The following PHEX variants were observed in gnomAD, a reference collection of about 807,000 sequenced individuals.
The protein encoded by PHEX is phosphate-regulating neutral endopeptidase PHEX.
PHEX carries 16 observed loss-of-function variants against 68.0 expected under a neutral mutation model. The ratio of observed to expected loss-of-function variants is 0.24; its 90% CI spans 0.16 to 0.36. The LOEUF is 0.36. Ranked by LOEUF, PHEX falls within the 10% of genes least tolerant of loss-of-function variation. The pLI is 1.00. For synonymous variants in PHEX, 208 were observed against 205.1 expected (o/e 1.01, Z -0.12); for missense variants, 480 against 575.5 (o/e 0.83, Z 1.70).
chrX:22,130,295 T>C (rs1931930683), intron 11 of PHEX, among the ~76,000 whole-genome samples: 1 of 111,607 alleles, frequency 9.0e-6, no homozygotes, highest in Non-Finnish European at 1.9e-5. Flanking sequence ...ATCCCAGCAC[T>C]TTGGGAGACT....
intron 3 of PHEX, among the ~76,000 whole-genome samples, chrX:22,072,092 G>A (rs1244039509): frequency 8.9e-6 from 1 of 112,869 alleles, no homozygotes; most frequent in African/African-American, 3.2e-5. Flanking sequence ...GCTGGGCATG[G>A]TGGCGCATGC....
chrX:22,090,732 A>G (rs1323730701), intron 6 of PHEX, among the ~76,000 whole-genome samples: 1 of 112,188 alleles, frequency 8.9e-6, no homozygotes, highest in African/African-American at 3.2e-5. Flanking sequence ...CTTGGGAGAC[A>G]GCACTCCCAA....
intron 11 of PHEX, among the ~76,000 whole-genome samples, chrX:22,131,045 T>A (rs76335719): frequency 0.01 from 1,147 of 110,355 alleles, 18 homozygotes; most frequent in East Asian, 0.081. Flanking sequence ...CAGTATTATT[T>A]TTTTTTTCTT....
chrX:22,082,926 CT>C (rs1388337633), intron 5 of PHEX, among the ~76,000 whole-genome samples: 2 of 111,984 alleles, frequency 1.8e-5, no homozygotes, highest in African/African-American at 6.5e-5. Context: ...AAGAACAAAG[CT>C]GGAGGCATCA....
intron 9 of PHEX, among the ~76,000 whole-genome samples, chrX:22,109,617 A>G (rs6629451): frequency 0.25 from 27,630 of 110,363 alleles, 2,717 homozygotes; most frequent in African/African-American, 0.34. Flanking sequence ...TATTGCTCTC[A>G]TGTGATTGGC....
Position 22,114,172 on chromosome X carries a change from G to A in PHEX, c.1174-286G>A, listed in dbSNP as rs10218272. Among the ~76,000 whole-genome samples, 17,611 of 108,856 alleles carry A rather than the reference G, an allele frequency of 0.16. 3,522 individuals are homozygous for A. Among genetic ancestry groups the A allele is most frequent in the African/African-American group, 0.56 (16,401 of 29,515 alleles). The allele number at this position is 108,856 out of a possible 115,157, so 94.5% of individuals were successfully genotyped here. ...ACCATGTTGGCCAGGCTGGTCTCGA[G>A]CTCCTGACCTCAGGTGATCTGCTCA... On this transcript the variant is annotated intron_variant, in intron 10 of 21. Transcript: ENST00000379374.
chrX:22,064,524 C>T (rs999607392), intron 3 of PHEX, among the ~76,000 whole-genome samples: 4 of 111,610 alleles, frequency 3.6e-5, no homozygotes, highest in South Asian at 3.8e-4. Flanking sequence ...ATGTGTACCA[C>T]GTTTTCTTTA....
intron 9 of PHEX, among the ~76,000 whole-genome samples, chrX:22,106,321 G>C (rs912329936): frequency 9.8e-5 from 11 of 111,798 alleles, no homozygotes; most frequent in African/African-American, 3.3e-4. Flanking sequence ...CAGCATTACA[G>C]CTTCCAGCTT....
At chrX:22,038,177 CAGCAGCTGCT>C (rs1391576947) in intron 1 of PHEX, among the ~76,000 whole-genome samples, 2 of 110,580 alleles carry the variant, frequency 1.8e-5, no homozygotes, top group Non-Finnish European at 3.8e-5. Flanking sequence ...GGTGCAGCAG[CAGCAGCTGCT>C]GCTGCTCTAG....
At chrX:22,205,479 G>A (rs1186879221) in intron 15 of PHEX, among the ~76,000 whole-genome samples, 1 of 111,346 alleles carries the variant, frequency 9.0e-6, no homozygotes, top group East Asian at 2.8e-4. Context: ...AAGGAGAAAA[G>A]CACATGGTCT....
intron 20 of PHEX, among the ~76,000 whole-genome samples, chrX:22,236,584 C>T (rs966264182): frequency 3.5e-5 from 4 of 112,870 alleles, no homozygotes; most frequent in Non-Finnish European, 7.5e-5. Context: ...CCAAATATGG[C>T]CTGCTGCCTG....
chrX:22,091,318 GGT>G (rs1929873412), intron 6 of PHEX, among the ~76,000 whole-genome samples: 1 of 111,167 alleles, frequency 9.0e-6, no homozygotes, highest in African/African-American at 3.3e-5. Context: ...GTGGGGGGAG[GGT>G]GTACCCCTGG....
At chrX:22,096,181 G>T (rs994895401) in intron 7 of PHEX, among the ~76,000 whole-genome samples, 1 of 112,197 alleles carries the variant, frequency 8.9e-6, no homozygotes, top group Non-Finnish European at 1.9e-5. Context: ...GCAAAGTCAT[G>T]ACGTGATTGA....
At chrX:22,043,687 A>G (rs935329833) in intron 2 of PHEX, among the ~76,000 whole-genome samples, 8 of 111,536 alleles carry the variant, frequency 7.2e-5, no homozygotes, top group Non-Finnish European at 1.3e-4. Flanking sequence ...CTCTCCCTTC[A>G]TCCTTGATTA....
intron 11 of PHEX, among the ~76,000 whole-genome samples, chrX:22,120,690 T>A (rs1356649615): frequency 2.7e-5 from 3 of 111,843 alleles, no homozygotes; most frequent in African/African-American, 9.7e-5. Flanking sequence ...TGGCTCAGTC[T>A]ACACACTGAG....
rs1926860842 is a variant in PHEX at position 22,032,933 on chromosome X, G to A, written c.-73G>A. 2.6e-6 allele frequency: 2 copies of A among 756,269 alleles called. No individual in the cohort carries two copies. Among genetic ancestry groups the A allele is most frequent in the South Asian group, 2.1e-5 (1 of 48,204 alleles). The allele number at this position is 756,269 out of a possible 1,213,427, so 62.3% of individuals were successfully genotyped here. On this transcript the variant is annotated 5_prime_UTR_variant, in exon 1 of 22. Transcript: ENST00000379374. ...GAGCAAGAAAGCCTTGGATGTCAAC[G>A]CCTCGCTCTTGAGACCAGCCACCAA...
chrX:22,112,968 G>A (rs908504930), intron 10 of PHEX, among the ~76,000 whole-genome samples: 2 of 108,433 alleles, frequency 1.8e-5, no homozygotes, highest in African/African-American at 6.7e-5. Flanking sequence ...ATATATTTAG[G>A]TCATATTGAT....
chrX:22,189,795 T>C (rs1315959710), intron 14 of PHEX, among the ~76,000 whole-genome samples: 3 of 111,907 alleles, frequency 2.7e-5, no homozygotes, highest in Admixed American at 1.9e-4. Flanking sequence ...GGGTGTAGAC[T>C]CCTTTTAGAT....
chrX:22,066,600 G>A (rs549103716), intron 3 of PHEX, among the ~76,000 whole-genome samples: 233 of 111,982 alleles, frequency 2.1e-3, no homozygotes, highest in African/African-American at 7.3e-3. Flanking sequence ...AGGTGCTGTT[G>A]CTTCCCCCCT....
Sources: gnomAD v4.1 joint callset for allele counts (sites outside exome capture counted in the v4.1 genomes callset) on GRCh38, gnomAD v4.1.1 for gene constraint, MANE v1.5 for transcripts, NCBI Gene and HGNC (gene_info 2026-07-23, HGNC 2026-07-21) for gene names.